Variants in PALLD observed in about 807,000 individuals in gnomAD.
PALLD encodes the protein palladin.
A neutral mutation model predicts 123.5 loss-of-function variants in PALLD; 61 were observed. The observed-to-expected ratio is 0.49, with a 90% confidence interval of 0.40 to 0.61. The LOEUF is 0.61. Ranked by LOEUF, PALLD falls within the 20% of genes least tolerant of loss-of-function variation. PALLD has a pLI of 0.00. For synonymous variants in PALLD, 465 were observed against 496.4 expected (o/e 0.94, Z 0.84); for missense variants, 1,273 against 1,377.0 (o/e 0.92, Z 1.20).
At chr4:168,578,321 G>A (rs1420414031) in intron 2 of PALLD, among the ~76,000 whole-genome samples, 3 of 152,158 alleles carry the variant, frequency 2.0e-5, no homozygotes, top group South Asian at 2.1e-4. Flanking sequence ...TAATCTTCAC[G>A]TGTCATAGGA....
At chr4:168,881,202 G>C (rs1233261846) in intron 10 of PALLD, among the ~76,000 whole-genome samples, 1 of 152,164 alleles carries the variant, frequency 6.6e-6, no homozygotes, top group Non-Finnish European at 1.5e-5. Context: ...ACTGTGTCCA[G>C]TCTCTCTTAG....
chr4:168,675,232 A>G (rs1430462347), intron 3 of PALLD, among the ~76,000 whole-genome samples: 1 of 152,194 alleles, frequency 6.6e-6, no homozygotes, highest in Admixed American at 6.5e-5. Context: ...CCTTGTGGAT[A>G]AAGAGGATTG....
intron 2 of PALLD, among the ~76,000 whole-genome samples, chr4:168,574,870 G>A (rs2149623428): frequency 1.3e-5 from 2 of 152,180 alleles, no homozygotes; most frequent in East Asian, 3.9e-4. Context: ...AGAGATTAAA[G>A]CTAGAAGAGA....
chr4:168,532,378 TCTAA>T (rs1764681558), intron 2 of PALLD, among the ~76,000 whole-genome samples: 1 of 152,164 alleles, frequency 6.6e-6, no homozygotes, highest in Non-Finnish European at 1.5e-5. Context: ...ATAAACATAA[TCTAA>T]CTATCAGAAT....
intron 2 of PALLD, among the ~76,000 whole-genome samples, chr4:168,579,965 T>A (rs1317700717): frequency 1.3e-5 from 2 of 152,066 alleles, no homozygotes; most frequent in African/African-American, 4.8e-5. Context: ...ATCACCATAT[T>A]GTCCATTAAA....
At chr4:168,624,889 T>C (rs1775090822) in intron 2 of PALLD, among the ~76,000 whole-genome samples, 1 of 152,074 alleles carries the variant, frequency 6.6e-6, no homozygotes, top group Admixed American at 6.5e-5. Context: ...CTGTAAAACA[T>C]TCCCAAAGGA....
intron 10 of PALLD, among the ~76,000 whole-genome samples, chr4:168,818,584 CAAAT>C (rs940415408): frequency 6.6e-6 from 1 of 151,988 alleles, no homozygotes; most frequent in South Asian, 2.1e-4. Flanking sequence ...GACCCTGTCT[CAAAT>C]AAATAAATAA....
chr4:168,830,986 T>C (rs2150848055), intron 10 of PALLD, among the ~76,000 whole-genome samples: 1 of 152,280 alleles, frequency 6.6e-6, no homozygotes, highest in Non-Finnish European at 1.5e-5. Flanking sequence ...TTACCATTCA[T>C]TCATTCATTC....
intron 2 of PALLD, among the ~76,000 whole-genome samples, chr4:168,535,825 A>G (rs1301991533): frequency 7.2e-5 from 11 of 152,190 alleles, no homozygotes; most frequent in Admixed American, 7.2e-4. Context: ...TATGCTGTCT[A>G]TAAGGGGTAA....
chr4:168,708,531 A>T (rs1330988382), intron 8 of PALLD, among the ~76,000 whole-genome samples: 2 of 152,236 alleles, frequency 1.3e-5, no homozygotes, highest in Non-Finnish European at 2.9e-5. Flanking sequence ...TACCTTCCAG[A>T]ATAGTTGTCT....
At chr4:168,864,292 T>C (rs1749942629) in intron 10 of PALLD, 1 of 152,240 alleles carries the variant, frequency 6.6e-6, no homozygotes, top group Admixed American at 6.5e-5. Flanking sequence ...CTTTGTAATG[T>C]TTATCTGTAT....
chr4:168,652,972 C>T (rs966056977), intron 2 of PALLD, among the ~76,000 whole-genome samples: 4 of 152,124 alleles, frequency 2.6e-5, no homozygotes, highest in Non-Finnish European at 4.4e-5. Context: ...CACTTTCAGC[C>T]GTCAGTTGTC....
chr4:168,689,432 C>CTTTTTTTTTTTTTTTTTTTTTTTTTTTTT, intron 6 of PALLD, among the ~76,000 whole-genome samples: 1 of 49,834 alleles, frequency 2.0e-5, no homozygotes, highest in Non-Finnish European at 3.8e-5. Flanking sequence ...ATCCAATATT[C>CTTTTTTTTTTTTTTTTTTTTTTTTTTTTT]TTTTTTTTTT....
At chr4:168,659,314 T>C (rs1406741069) in intron 2 of PALLD, among the ~76,000 whole-genome samples, 2 of 152,046 alleles carry the variant, frequency 1.3e-5, no homozygotes, top group Non-Finnish European at 2.9e-5. Context: ...CTCTCTGGGG[T>C]TTTTTCCTAC....
chr4:168,846,818 T>C (rs1746926566), intron 10 of PALLD, among the ~76,000 whole-genome samples: 2 of 152,198 alleles, frequency 1.3e-5, no homozygotes, highest in African/African-American at 2.4e-5. Context: ...TGGGTACATG[T>C]CCATGGCATC....
intron 10 of PALLD, among the ~76,000 whole-genome samples, chr4:168,836,516 A>C (rs1745209411): frequency 6.6e-6 from 1 of 152,222 alleles, no homozygotes; most frequent in South Asian, 2.1e-4. Context: ...TTCACCAATG[A>C]ATGGGAGAGA....
At chr4:168,571,561 A>T (rs1011696798) in intron 2 of PALLD, among the ~76,000 whole-genome samples, 2 of 152,198 alleles carry the variant, frequency 1.3e-5, no homozygotes, top group Non-Finnish European at 2.9e-5. Flanking sequence ...TTTAAATTCC[A>T]GTTGACTCCC....
chr4:168,616,348 T>TA (rs1250459675), intron 2 of PALLD, among the ~76,000 whole-genome samples: 1 of 152,132 alleles, frequency 6.6e-6, no homozygotes, highest in East Asian at 1.9e-4. Context: ...TCTAAAAATA[T>TA]AAAAAAGTAA....
chr4:168,643,484 CAT>C lies in PALLD; in HGVS notation c.909-24705_909-24704del, dbSNP rs973785475. ...TATGCCGTGTATGATTTCCAATACA[CAT>C]GTGTTAGTAATTACTACCAATATGA... On this transcript the variant is annotated intron_variant, in intron 2 of 21. Transcript: ENST00000505667. 1.7e-4 allele frequency among the ~76,000 whole-genome samples: 26 copies of C among 152,168 alleles called. 1 individual carries two copies. Among genetic ancestry groups the C allele is most frequent in the Admixed American group, 7.2e-4 (11 of 15,270 alleles).
Sources: allele counts gnomAD v4.1 joint callset (sites outside exome capture counted in the v4.1 genomes callset), GRCh38; gene constraint gnomAD v4.1.1; transcripts MANE v1.5; gene names NCBI Gene and HGNC (gene_info 2026-07-23, HGNC 2026-07-21).